PLAC1: variants seen among roughly 807,000 people sequenced by gnomAD.
PLAC1 encodes the protein placenta-specific protein 1.
For synonymous variants in PLAC1, 68 were observed against 62.1 expected (o/e 1.09, Z -0.44); for missense variants, 136 against 163.2 (o/e 0.83, Z 0.91).
At chrX:134,646,597 G>A (rs1397367886) in intron 1 of PLAC1, among the ~76,000 whole-genome samples, 1 of 112,613 alleles carries the variant, frequency 8.9e-6, no homozygotes, top group African/African-American at 3.2e-5. Flanking sequence ...AATAAGGAGT[G>A]CCTCTCTGCT....
At chrX:134,663,957 T>C (rs1341564566) in intron 2 of PLAC1, among the ~76,000 whole-genome samples, 1 of 111,939 alleles carries the variant, frequency 8.9e-6, no homozygotes, top group Admixed American at 9.4e-5. Context: ...ATGTGTTTCC[T>C]TGGGTTCAGG....
At chrX:134,763,854 AAGAAAG>A (rs1415125423) in intron 1 of PLAC1, among the ~76,000 whole-genome samples, 76 of 108,933 alleles carry the variant, frequency 7.0e-4, no homozygotes, top group African/African-American at 2.4e-3. Context: ...GAAAGAAAGA[AAGAAAG>A]AGAAAAGAAA....
At chrX:134,657,960 T>A (rs1049471148) in intron 1 of PLAC1, among the ~76,000 whole-genome samples, 27 of 111,933 alleles carry the variant, frequency 2.4e-4, no homozygotes, top group African/African-American at 8.8e-4. Flanking sequence ...CCCTAAAAAA[T>A]ACCCTGTGCA....
chrX:134,607,594 G>C, intron 1 of PLAC1: 1 of 158,643 alleles, frequency 6.3e-6, no homozygotes. Context: ...GAAGGAGCCG[G>C]AGCTGCTGGA....
chrX:134,763,212 A>G (rs1362363205), intron 1 of PLAC1, among the ~76,000 whole-genome samples: 1 of 111,269 alleles, frequency 9.0e-6, no homozygotes, highest in East Asian at 2.8e-4. Flanking sequence ...TACAGGGAAG[A>G]TTCAAAGAAA....
At position 134,687,815 on chromosome X, in the gene PLAC1, CATATATATATATATATATATATATAT is replaced by C. The variant is rs56675396; in HGVS notation, n.174+45594_174+45619del. Among the ~76,000 whole-genome samples, 100 of 31,143 alleles carry C rather than the reference CATATATATATATATATATATATATAT, an allele frequency of 3.2e-3. 1 individual carries two copies. Among genetic ancestry groups the C allele is most frequent in the African/African-American group, 0.011 (72 of 6,843 alleles). 27.0% of individuals were successfully genotyped at this position (31,143 alleles called of 115,157 possible). A position where few individuals can be genotyped will look rare whatever the true frequency, so the allele number is the denominator to read the frequency against. On this transcript the variant is annotated intron_variant and non_coding_transcript_variant, in intron 2 of 2. Transcript: ENST00000466797. ...TAAGTTTGTTTTAGGACTGAGATAA[CATATATATATATATATATATATATAT>C]ATATATATATATATATATATATATA...
At chrX:134,677,663 T>C (rs2078480077) in intron 2 of PLAC1, among the ~76,000 whole-genome samples, 1 of 111,196 alleles carries the variant, frequency 9.0e-6, no homozygotes. Context: ...GCAGGATAGG[T>C]GAGAGTCACA....
At chrX:134,700,612 T>C (rs1300275899) in intron 2 of PLAC1, among the ~76,000 whole-genome samples, 1 of 111,929 alleles carries the variant, frequency 8.9e-6, no homozygotes, top group Non-Finnish European at 1.9e-5. Flanking sequence ...CCAAAATCAG[T>C]GTACAAAAAT....
intron 2 of PLAC1, among the ~76,000 whole-genome samples, chrX:134,573,759 G>T (rs1033497342): frequency 2.7e-5 from 3 of 111,355 alleles, no homozygotes; most frequent in African/African-American, 9.8e-5. Context: ...TGACTTTATA[G>T]GCTACTTGGC....
rs764720220 is a variant in PLAC1, at chrX:134,581,597, G to GC, written c.-58-14858dup. Among the ~76,000 whole-genome samples, 321 of 103,086 alleles carry GC rather than the reference G, an allele frequency of 3.1e-3. 2 individuals are homozygous for GC. Among genetic ancestry groups the GC allele is most frequent in the Non-Finnish European group, 5.2e-3 (266 of 51,248 alleles). The allele number at this position is 103,086 out of a possible 115,157, so 89.5% of individuals were successfully genotyped here. A position where few individuals can be genotyped will look rare whatever the true frequency, so the allele number is the denominator to read the frequency against. On this transcript the variant is annotated intron_variant, in intron 2 of 2. Transcript: ENST00000359237. ...GGGTTCAAGTGATTCTCCTGCCTCA[G>GC]CCCCCCGAGTAGCTGGGATTACAGG...
intron 1 of PLAC1, among the ~76,000 whole-genome samples, chrX:134,754,805 G>C (rs1410849552): frequency 1.2e-5 from 1 of 82,883 alleles, no homozygotes; most frequent in Non-Finnish European, 2.2e-5. Flanking sequence ...TTTTCTTGAA[G>C]AGACAAGATT....
chrX:134,621,618 G>A (rs1271894996), intron 1 of PLAC1, among the ~76,000 whole-genome samples: 1 of 111,042 alleles, frequency 9.0e-6, no homozygotes, highest in Non-Finnish European at 1.9e-5. Flanking sequence ...TCAGAATATG[G>A]CTGAGTATGT....
intron 2 of PLAC1, among the ~76,000 whole-genome samples, chrX:134,713,259 A>T (rs987542944): frequency 1.8e-5 from 2 of 112,210 alleles, no homozygotes; most frequent in African/African-American, 6.5e-5. Flanking sequence ...TGCAACACTC[A>T]TACATTGGGA....
chrX:134,665,734 G>A (rs2078434671), intron 2 of PLAC1, among the ~76,000 whole-genome samples: 4 of 111,273 alleles, frequency 3.6e-5, no homozygotes, highest in Admixed American at 1.9e-4. Context: ...GAGGTTTAGC[G>A]GGAAATACCT....
chrX:134,597,147 G>A (rs1476601710), intron 2 of PLAC1, among the ~76,000 whole-genome samples: 1 of 111,235 alleles, frequency 9.0e-6, no homozygotes, highest in Non-Finnish European at 1.9e-5. Context: ...TATATCTTTT[G>A]TAATAATTCT....
intron 1 of PLAC1, among the ~76,000 whole-genome samples, chrX:134,738,239 T>C (rs2078708379): frequency 8.9e-6 from 1 of 112,209 alleles, no homozygotes. Flanking sequence ...CAGCGATGTC[T>C]GCAAGCCCTT....
intron 1 of PLAC1, chrX:134,651,368 TA>T (rs2078361733): frequency 6.7e-6 from 1 of 149,031 alleles, no homozygotes; most frequent in African/African-American, 3.1e-5. Flanking sequence ...AAGAAGCTCA[TA>T]GGTAACGAAG....
At chrX:134,575,463 A>C (rs1488898784) in intron 2 of PLAC1, among the ~76,000 whole-genome samples, 2 of 110,113 alleles carry the variant, frequency 1.8e-5, no homozygotes, top group African/African-American at 6.6e-5. Flanking sequence ...ACAAACAAAA[A>C]AAAAAGAGCA....
At chrX:134,591,060 C>G (rs757090973) in intron 2 of PLAC1, among the ~76,000 whole-genome samples, 1 of 112,073 alleles carries the variant, frequency 8.9e-6, no homozygotes, top group East Asian at 2.8e-4. Context: ...TCATGCAACT[C>G]TGTGTTATCT....
Sources: gnomAD v4.1 joint callset for allele counts (sites outside exome capture counted in the v4.1 genomes callset) on GRCh38, gnomAD v4.1.1 for gene constraint, MANE v1.5 for transcripts, NCBI Gene and HGNC (gene_info 2026-07-23, HGNC 2026-07-21) for gene names.